The following CAMKMT variants were observed in gnomAD, a reference collection of about 807,000 sequenced individuals.
CAMKMT encodes the protein calmodulin-lysine N-methyltransferase.
Under a neutral mutation model 48.0 loss-of-function variants are expected in CAMKMT, and 53 were observed. The ratio of observed to expected loss-of-function variants is 1.10; its 90% CI spans 0.89 to 1.39. The LOEUF is 1.39. Among genes scored for constraint, CAMKMT ranks in the 40% most tolerant of loss-of-function variants. The pLI is 0.00. For missense variants in CAMKMT, 428 were observed against 402.7 expected (o/e 1.06, Z -0.54); for synonymous variants, 165 against 152.3 (o/e 1.08, Z -0.61).
chr2:44,564,600 T>G lies in CAMKMT; in HGVS notation c.377-139683T>G, dbSNP rs116834559. Among the ~76,000 whole-genome samples the G allele has an allele frequency of 2.6e-3, 395 of 152,120 alleles. 1 individual carries two copies. The highest frequency in any genetic ancestry group is 8.9e-3 in the African/African-American group (371 of 41,478). ...GCTCTTGTCACCCAGGAAGCTGGAG[T>G]GCAGTGTGGCACGATCTCAGCTCAG... On this transcript the variant is annotated intron_variant, in intron 3 of 10. Transcript: ENST00000378494.
At chr2:44,492,405 C>T (rs1426521821) in intron 3 of CAMKMT, among the ~76,000 whole-genome samples, 1 of 151,926 alleles carries the variant, frequency 6.6e-6, no homozygotes, top group Non-Finnish European at 1.5e-5. Flanking sequence ...CAATATTAAA[C>T]TGTAAAGTTT....
At chr2:44,479,065 G>A (rs994539221) in intron 3 of CAMKMT, among the ~76,000 whole-genome samples, 2 of 152,126 alleles carry the variant, frequency 1.3e-5, no homozygotes, top group African/African-American at 4.8e-5. Flanking sequence ...TTAAATGTTT[G>A]AGTTTACTAA....
intron 3 of CAMKMT, among the ~76,000 whole-genome samples, chr2:44,531,636 T>C (rs1666491910): frequency 6.6e-6 from 1 of 152,162 alleles, no homozygotes; most frequent in South Asian, 2.1e-4. Context: ...GATTATTGTT[T>C]GTTAACATTT....
At chr2:44,665,679 T>G (rs1261740067) in intron 3 of CAMKMT, among the ~76,000 whole-genome samples, 1 of 152,082 alleles carries the variant, frequency 6.6e-6, no homozygotes, top group Non-Finnish European at 1.5e-5. Flanking sequence ...ATACCAAAGG[T>G]GAAAAGGGGG....
At chr2:44,408,712 C>G (rs745878546) in intron 3 of CAMKMT, among the ~76,000 whole-genome samples, 1 of 151,892 alleles carries the variant, frequency 6.6e-6, no homozygotes. Context: ...CAGAAACATC[C>G]AATCAAGAAG....
intron 7 of CAMKMT, among the ~76,000 whole-genome samples, chr2:44,738,462 C>T (rs1679483692): frequency 6.6e-6 from 1 of 152,202 alleles, no homozygotes; most frequent in Admixed American, 6.5e-5. Context: ...TCTAGCTAAT[C>T]CACACATTGT....
chr2:44,518,323 A>G (rs978471914), intron 3 of CAMKMT, among the ~76,000 whole-genome samples: 1 of 152,154 alleles, frequency 6.6e-6, no homozygotes, highest in Non-Finnish European at 1.5e-5. Context: ...TATTCTTTAT[A>G]TATTACTGGC....
At chr2:44,671,090 A>G (rs1675301520) in intron 3 of CAMKMT, among the ~76,000 whole-genome samples, 1 of 152,160 alleles carries the variant, frequency 6.6e-6, no homozygotes, top group Non-Finnish European at 1.5e-5. Context: ...ATGGCCTAGT[A>G]TTATTGATTA....
intron 3 of CAMKMT, among the ~76,000 whole-genome samples, chr2:44,438,966 G>A (rs543982768): frequency 3.3e-5 from 5 of 152,024 alleles, no homozygotes; most frequent in East Asian, 1.9e-4. Flanking sequence ...TTTGGTAACC[G>A]CATAGTGTCC....
intron 3 of CAMKMT, among the ~76,000 whole-genome samples, chr2:44,469,606 T>C (rs1668311577): frequency 6.6e-6 from 1 of 152,130 alleles, no homozygotes; most frequent in Non-Finnish European, 1.5e-5. Context: ...ATAATTGCTT[T>C]CTTAATTTGT....
intron 2 of CAMKMT, among the ~76,000 whole-genome samples, chr2:44,389,142 GCCTGT>G (rs1681069216): frequency 6.6e-6 from 1 of 152,128 alleles, no homozygotes; most frequent in Admixed American, 6.6e-5. Context: ...GCAGGGCTAG[GCCTGT>G]CTGAGCTCAG....
chr2:44,451,306 T>A (rs954152712), intron 3 of CAMKMT, among the ~76,000 whole-genome samples: 2 of 152,074 alleles, frequency 1.3e-5, no homozygotes, highest in Non-Finnish European at 2.9e-5. Flanking sequence ...AGACAAAGTG[T>A]TGAATAGTTT....
Position 44,366,121 on chromosome 2 carries a change from C to G in CAMKMT, c.138+3976C>G, listed in dbSNP as rs138320323. Among the ~76,000 whole-genome samples, 534 of 152,272 alleles carry G rather than the reference C, an allele frequency of 3.5e-3. 3 individuals carry two copies. Among genetic ancestry groups the G allele is most frequent in the African/African-American group, 0.013 (520 of 41,556 alleles). Reference sequence around the variant, plus strand: ...TATCTTTCTCAAACATTCAACTTGGCTTTTAGGGTAACGTTAACTCCCTTT... The same window carrying G: ...TATCTTTCTCAAACATTCAACTTGGGTTTTAGGGTAACGTTAACTCCCTTT... On this transcript the variant is annotated intron_variant, in intron 1 of 10. Coordinates refer to ENST00000378494, the MANE Select transcript of CAMKMT (RefSeq NM_024766.5).
At chr2:44,375,900 C>G (rs1330261191) in intron 2 of CAMKMT, among the ~76,000 whole-genome samples, 3 of 152,060 alleles carry the variant, frequency 2.0e-5, no homozygotes, top group Non-Finnish European at 4.4e-5. Flanking sequence ...ACTCTCCTGC[C>G]TCAGCCTCCT....
At chr2:44,424,288 C>G (rs906537953) in intron 3 of CAMKMT, among the ~76,000 whole-genome samples, 11 of 151,890 alleles carry the variant, frequency 7.2e-5, no homozygotes, top group Non-Finnish European at 1.2e-4. Context: ...AAGGAATGGG[C>G]TTTAGTCAGC....
At chr2:44,549,622 C>T (rs181733705) in intron 3 of CAMKMT, 366 of 655,088 alleles carry the variant, frequency 5.6e-4, no homozygotes, top group Middle Eastern at 1.7e-3. Flanking sequence ...CAGCCTCAAA[C>T]TCCTGAACTG....
rs554645684 is a variant in CAMKMT at position 44,504,613 on chromosome 2, G to A, written c.376+114308G>A. Among the ~76,000 whole-genome samples, 11 of 152,118 alleles carry A rather than the reference G, an allele frequency of 7.2e-5. No homozygotes were observed. In the South Asian group the frequency reaches 1.5e-3, roughly 20 times the overall value. ...AGGTGGGGCCTTTTAGTTTTTCTGC[G>A]TCCTTGCCAGCCTTTGGTGTTGCTG... On this transcript the variant is annotated intron_variant, in intron 3 of 10. Transcript: ENST00000378494.
At position 44,755,226 on chromosome 2, in the gene CAMKMT, C is replaced by A. The variant is rs548785315; in HGVS notation, c.762+1108C>A. On this transcript the variant is annotated intron_variant, in intron 9 of 10. Transcript: ENST00000378494. ...TTCGTAAGTGGTAGTCAGTCCAATTCAATTGGCCTCCTCAGTTCCCCTGTG... is the reference window on the plus strand; with the variant it reads ...TTCGTAAGTGGTAGTCAGTCCAATTAAATTGGCCTCCTCAGTTCCCCTGTG... Among the ~76,000 whole-genome samples, 3 of 152,194 alleles carry A rather than the reference C, an allele frequency of 2.0e-5. No individual in the cohort carries two copies. In the East Asian group the frequency reaches 5.8e-4, roughly 29 times the overall value.
At chr2:44,670,315 C>T (rs1402128751) in intron 3 of CAMKMT, among the ~76,000 whole-genome samples, 2 of 151,954 alleles carry the variant, frequency 1.3e-5, no homozygotes, top group Admixed American at 1.3e-4. Flanking sequence ...TGTGGTGGCT[C>T]CACCTATAAT....
Sources: allele counts gnomAD v4.1 joint callset (sites outside exome capture counted in the v4.1 genomes callset), GRCh38; gene constraint gnomAD v4.1.1; transcripts MANE v1.5; gene names NCBI Gene and HGNC (gene_info 2026-07-23, HGNC 2026-07-21).